Variants in HDAC8 observed in about 807,000 individuals in gnomAD.
The protein encoded by HDAC8 is histone deacetylase-like 1.
A neutral mutation model predicts 32.2 loss-of-function variants in HDAC8; 1 was observed. The ratio of observed to expected loss-of-function variants is 0.03; its 90% confidence interval spans 0.01 to 0.15. The LOEUF (loss-of-function observed/expected upper bound fraction) is 0.15. HDAC8 is among the 10% of genes least tolerant of loss of function. HDAC8 has a pLI of 1.00. For synonymous variants in HDAC8, 108 were observed against 113.9 expected (o/e 0.95, Z 0.33); for missense variants, 117 against 300.0 (o/e 0.39, Z 4.51).
At chrX:72,498,874 G>C (rs1409636399) in intron 4 of HDAC8, among the ~76,000 whole-genome samples, 5 of 111,418 alleles carry the variant, frequency 4.5e-5, no homozygotes, top group Non-Finnish European at 9.4e-5. Context: ...CCCAGTGTTG[G>C]AGGTGGGGCC....
At chrX:72,336,973 C>G (rs1555942695) in intron 10 of HDAC8, among the ~76,000 whole-genome samples, 1 of 111,500 alleles carries the variant, frequency 9.0e-6, no homozygotes, top group South Asian at 3.8e-4. Context: ...TGTTCTCAAA[C>G]TCCTGGACTC....
chrX:72,446,592 G>A (rs1203403537), intron 9 of HDAC8, among the ~76,000 whole-genome samples: 7 of 110,517 alleles, frequency 6.3e-5, no homozygotes, highest in African/African-American at 2.0e-4. Flanking sequence ...GCTAAATGAC[G>A]AGTTAATGAG....
chrX:72,568,735 T>A lies in HDAC8; in HGVS notation c.295+19A>T. On this transcript the variant is annotated intron_variant, in intron 3 of 10. Coordinates refer to ENST00000373573, the MANE Select transcript of HDAC8 (RefSeq NM_018486.3). ...AATTAGTCTGTCCATCTCCCATCACTGCCTGGTAATGACTTTACCTAGCCC... is the reference window on the plus strand; with the variant it reads ...AATTAGTCTGTCCATCTCCCATCACAGCCTGGTAATGACTTTACCTAGCCC... 7 of 1,209,785 alleles carry A rather than the reference T, an allele frequency of 5.8e-6. No homozygotes were observed. Among genetic ancestry groups the A allele is most frequent in the African/African-American group, 1.7e-5 (1 of 57,911 alleles).
chrX:72,523,686 A>T (rs989048368), intron 4 of HDAC8, among the ~76,000 whole-genome samples: 3 of 112,015 alleles, frequency 2.7e-5, no homozygotes, highest in Non-Finnish European at 5.6e-5. Flanking sequence ...CAATCCCAAT[A>T]GTAATAGTGA....
At chrX:72,485,586 A>C (rs2048644215) in intron 7 of HDAC8, among the ~76,000 whole-genome samples, 2 of 110,629 alleles carry the variant, frequency 1.8e-5, no homozygotes, top group South Asian at 7.7e-4. Context: ...GGGAAGAACA[A>C]AGGAAGAAAA....
chrX:72,378,151 T>C (rs782044703), intron 9 of HDAC8, among the ~76,000 whole-genome samples: 1 of 110,921 alleles, frequency 9.0e-6, no homozygotes, highest in South Asian at 3.9e-4. Context: ...GGTTTGGATA[T>C]GGTTTGTTCA....
intron 4 of HDAC8, among the ~76,000 whole-genome samples, chrX:72,498,799 C>T (rs1490839157): frequency 9.0e-6 from 1 of 111,619 alleles, no homozygotes; most frequent in Non-Finnish European, 1.9e-5. Flanking sequence ...ACCCTCTCTT[C>T]TTTGAAAATA....
chrX:72,385,992 C>A (rs2045416200), intron 9 of HDAC8, among the ~76,000 whole-genome samples: 1 of 112,337 alleles, frequency 8.9e-6, no homozygotes, highest in African/African-American at 3.2e-5. Context: ...GAAACTTGCA[C>A]ATGTGCCCAA....
chrX:72,396,164 C>T (rs1462724272), intron 9 of HDAC8, among the ~76,000 whole-genome samples: 1 of 112,444 alleles, frequency 8.9e-6, no homozygotes, highest in African/African-American at 3.2e-5. Context: ...CCCACCCTCT[C>T]ACTTCCCACC....
chrX:72,357,866 C>T (rs1374321256), intron 9 of HDAC8, among the ~76,000 whole-genome samples: 1 of 110,980 alleles, frequency 9.0e-6, no homozygotes, highest in South Asian at 3.8e-4. Context: ...CAGTTTGAGG[C>T]GCGAAAGCAA....
At position 72,454,206 on chromosome X, in the gene HDAC8, C is replaced by T. The variant is rs782528337; in HGVS notation, c.1005+7798G>A. ...TTGGAATCAGCAGATCCAGTGGTGG[C>T]TGCCTATGTACTGAGCTCAAAGGAC... On this transcript the variant is annotated intron_variant, in intron 9 of 10. Transcript: ENST00000373573. Among the ~76,000 whole-genome samples, 231 of 112,131 alleles carry T rather than the reference C, an allele frequency of 2.1e-3. 1 individual carries two copies. The highest frequency in any genetic ancestry group is 3.5e-3 in the Non-Finnish European group (189 of 53,252).
chrX:72,385,293 T>C (rs782243595), intron 9 of HDAC8, among the ~76,000 whole-genome samples: 7 of 110,510 alleles, frequency 6.3e-5, no homozygotes, highest in Non-Finnish European at 1.1e-4. Context: ...CAAGATCTTG[T>C]CTCTACAAAA....
Position 72,505,407 on chromosome X carries a change from A to T in HDAC8, c.438-10139T>A, listed in dbSNP as rs138962644. On this transcript the variant is annotated intron_variant, in intron 4 of 10. Coordinates refer to ENST00000373573, the MANE Select transcript of HDAC8 (RefSeq NM_018486.3). ...AACTCTGCCTCATCTATGGCACACC[A>T]CTCTAGGTTATCAGAGTCTAGTCCT... Among the ~76,000 whole-genome samples the T allele has an allele frequency of 7.7e-3, 864 of 111,600 alleles. 8 individuals are homozygous for T. Among genetic ancestry groups the T allele is most frequent in the Non-Finnish European group, 0.012 (660 of 53,126 alleles).
At position 72,568,008 on chromosome X, in the gene HDAC8, T is replaced by G. The variant is rs1388554395; in HGVS notation, c.318A>C (p.Glu106Asp). The G allele has an allele frequency of 2.5e-6, 3 of 1,211,277 alleles. No individual in the cohort carries two copies. Among genetic ancestry groups the G allele is most frequent in the Non-Finnish European group, 3.4e-6 (3 of 895,349 alleles). ...YGLGYDCPAT[E>D]GIFDYAAAIG... ...TAGCTGCTGCATAGTCAAATATCCC[T>G]TCAGTGGCTGGGCAGTCATAACCTT... Residue 106 changes from glutamate (E) to aspartate (D), a missense_variant, in exon 4 of 11, where the codon GAA (glutamate) becomes GAC (aspartate). Around this residue, in one of 4 missense-constraint regions of HDAC8, gnomAD observed 57 missense variants for 182.0 expected, o/e 0.31. Coordinates refer to ENST00000373573, the MANE Select transcript of HDAC8 (RefSeq NM_018486.3).
intron 4 of HDAC8, among the ~76,000 whole-genome samples, chrX:72,525,663 A>T (rs1399282898): frequency 1.9e-5 from 2 of 107,791 alleles, no homozygotes; most frequent in African/African-American, 3.4e-5. Flanking sequence ...AATACAAAAA[A>T]ATTAGCCGGG....
intron 9 of HDAC8, among the ~76,000 whole-genome samples, chrX:72,414,983 C>T (rs1231875973): frequency 8.9e-6 from 1 of 112,059 alleles, no homozygotes; most frequent in East Asian, 2.8e-4. Context: ...GACTATTGTT[C>T]GGTTACCTTA....
chrX:72,353,579 G>C (rs782310777), intron 9 of HDAC8, among the ~76,000 whole-genome samples: 6 of 111,854 alleles, frequency 5.4e-5, no homozygotes, highest in Non-Finnish European at 9.4e-5. Flanking sequence ...GAAGAAACTT[G>C]AGAGGCTTGT....
In HDAC8 at chrX:72,474,518, A is replaced by G. The variant is rs782162236; in HGVS notation, c.738-9787T>C. 2.8e-6 allele frequency: 3 copies of G among 1,084,875 alleles called. No individual in the cohort carries two copies. In the South Asian group the frequency reaches 7.4e-5, roughly 27 times the overall value. The allele number at this position is 1,084,875 out of a possible 1,213,427, so 89.4% of individuals were successfully genotyped here. A position where few individuals can be genotyped will look rare whatever the true frequency, so the allele number is the denominator to read the frequency against. On this transcript the variant is annotated intron_variant, in intron 7 of 10. Coordinates refer to ENST00000373573, the MANE Select transcript of HDAC8 (RefSeq NM_018486.3). Reference sequence around the variant, plus strand: ...TGTGAAAGTATAAAATCTCTTATCCAGAAAGGAGGGGGAGGACAGGCATCT... The same window carrying G: ...TGTGAAAGTATAAAATCTCTTATCCGGAAAGGAGGGGGAGGACAGGCATCT...
chrX:72,417,575 C>T (rs2046379959), intron 9 of HDAC8, among the ~76,000 whole-genome samples: 1 of 111,763 alleles, frequency 8.9e-6, no homozygotes, highest in Non-Finnish European at 1.9e-5. Context: ...AGAGATGACA[C>T]AAACAAATGG....
Sources: allele counts gnomAD v4.1 joint callset (sites outside exome capture counted in the v4.1 genomes callset), GRCh38; gene constraint gnomAD v4.1.1; regional missense constraint gnomAD v4.1.1; transcripts MANE v1.5; gene names NCBI Gene and HGNC (gene_info 2026-07-23, HGNC 2026-07-21).